DGKI: variants seen among roughly 807,000 people sequenced by gnomAD.
DGKI encodes DAG kinase iota.
Under a neutral mutation model 147.5 loss-of-function variants are expected in DGKI, and 55 were observed. The observed-to-expected ratio is 0.37, with a 90% CI of 0.30 to 0.47. The LOEUF is 0.47. Ranked by LOEUF, DGKI falls within the 20% of genes least tolerant of loss-of-function variation. DGKI has a pLI of 1.00. For missense variants in DGKI, 1,007 were observed against 1,323.8 expected (o/e 0.76, Z 3.71); for synonymous variants, 469 against 477.1 (o/e 0.98, Z 0.22).
intron 19 of DGKI, among the ~76,000 whole-genome samples, chr7:137,569,105 T>C (rs1490085402): frequency 6.6e-6 from 1 of 152,046 alleles, no homozygotes; most frequent in Non-Finnish European, 1.5e-5. Context: ...GTCAGCTGCT[T>C]GAGCTAGAAA....
At chr7:137,600,306 T>C (rs1819944666) in intron 10 of DGKI, among the ~76,000 whole-genome samples, 2 of 152,138 alleles carry the variant, frequency 1.3e-5, no homozygotes, top group African/African-American at 4.8e-5. Context: ...AATATCTAAT[T>C]ATAAGCAGTA....
chr7:137,645,447 G>A, intron 6 of DGKI, 25 bp downstream of exon 6: 1 of 1,608,950 alleles, frequency 6.2e-7, no homozygotes, highest in Non-Finnish European at 8.5e-7. Flanking sequence ...CCTCCTGCGA[G>A]GCCATGAGGT....
chr7:137,407,319 G>T (rs931057607), intron 30 of DGKI, among the ~76,000 whole-genome samples: 4 of 152,198 alleles, frequency 2.6e-5, no homozygotes, highest in African/African-American at 7.2e-5. Flanking sequence ...TAGAAATCCA[G>T]TTAGAAAGCA....
At chr7:137,718,689 C>T (rs1195147411) in intron 1 of DGKI, among the ~76,000 whole-genome samples, 1 of 152,156 alleles carries the variant, frequency 6.6e-6, no homozygotes, top group Non-Finnish European at 1.5e-5. Flanking sequence ...AGGGACTTGT[C>T]ATCCTTGAGG....
intron 6 of DGKI, among the ~76,000 whole-genome samples, chr7:137,626,706 C>T (rs1205623706): frequency 1.3e-5 from 2 of 152,116 alleles, no homozygotes; most frequent in East Asian, 1.9e-4. Flanking sequence ...CAGCAGAAGC[C>T]GGGGTGAGAC....
Position 137,658,491 on chromosome 7 carries a change from A to G in DGKI, c.607-1951T>C, listed in dbSNP as rs183074678. On this transcript the variant is annotated intron_variant, in intron 3 of 32. Coordinates refer to ENST00000614521, the MANE Select transcript of DGKI (RefSeq NM_001321708.2). ...CTAGTAAATTACATTGTGGATAAGC[A>G]ATGCAATATTACCACAGGTAGGCAA... 2.6e-3 allele frequency among the ~76,000 whole-genome samples: 402 copies of G among 152,322 alleles called. 1 individual carries two copies. Among genetic ancestry groups the G allele is most frequent in the Admixed American group, 5.4e-3 (82 of 15,310 alleles).
At chr7:137,831,935 A>G (rs537525278) in intron 1 of DGKI, among the ~76,000 whole-genome samples, 24 of 152,246 alleles carry the variant, frequency 1.6e-4, no homozygotes, top group Non-Finnish European at 3.1e-4. Flanking sequence ...CAGAGGGGCA[A>G]CAGGCCCCAT....
chr7:137,571,023 G>T (rs548335427), intron 19 of DGKI, 152 bp downstream of exon 19: 44 of 575,148 alleles, frequency 7.7e-5, no homozygotes, highest in African/African-American at 7.1e-4. Context: ...CATAAATGAT[G>T]ATTTTTTTTC....
At chr7:137,767,521 A>AG (rs1796053316) in intron 1 of DGKI, among the ~76,000 whole-genome samples, 1 of 150,158 alleles carries the variant, frequency 6.7e-6, no homozygotes, top group African/African-American at 2.5e-5. Flanking sequence ...AGAAGAGAAG[A>AG]GAAGAGAAGA....
chr7:137,713,229 C>A (rs2116575775), intron 1 of DGKI, among the ~76,000 whole-genome samples: 1 of 152,220 alleles, frequency 6.6e-6, no homozygotes. Context: ...AGCACAGAAC[C>A]AACTGCAGGA....
intron 31 of DGKI, among the ~76,000 whole-genome samples, chr7:137,396,289 A>G (rs915759477): frequency 1.3e-5 from 2 of 152,228 alleles, no homozygotes; most frequent in African/African-American, 4.8e-5. Flanking sequence ...TGAGAGGCAC[A>G]GTGAGACCCT....
chr7:137,527,031 T>C (rs539264294), intron 20 of DGKI, among the ~76,000 whole-genome samples: 1 of 152,282 alleles, frequency 6.6e-6, no homozygotes, highest in African/African-American at 2.4e-5. Context: ...TATCCGTTAA[T>C]ATTAAGACAT....
At chr7:137,819,156 C>T (rs1036527844) in intron 1 of DGKI, among the ~76,000 whole-genome samples, 1 of 152,108 alleles carries the variant, frequency 6.6e-6, no homozygotes, top group Admixed American at 6.5e-5. Context: ...CCACTCCCTG[C>T]TTGATGCTAC....
intron 15 of DGKI, among the ~76,000 whole-genome samples, chr7:137,580,007 G>T (rs1197997366): frequency 1.1e-4 from 16 of 152,030 alleles, no homozygotes; most frequent in Non-Finnish European, 1.5e-5. Flanking sequence ...TCACTCTGAT[G>T]CATAGAAACT....
At chr7:137,401,120 G>A (rs1450739066) in intron 30 of DGKI, among the ~76,000 whole-genome samples, 2 of 152,170 alleles carry the variant, frequency 1.3e-5, no homozygotes, top group South Asian at 2.1e-4. Flanking sequence ...ACAATGTGGA[G>A]TTTAACTGTA....
chr7:137,497,088 A>G (rs1815993743), intron 21 of DGKI, among the ~76,000 whole-genome samples: 1 of 149,934 alleles, frequency 6.7e-6, no homozygotes, highest in South Asian at 2.1e-4. Flanking sequence ...CAGCACCTAT[A>G]AAGAACTTAA....
chr7:137,715,252 A>T (rs1284983773), intron 1 of DGKI, among the ~76,000 whole-genome samples: 1 of 152,242 alleles, frequency 6.6e-6, no homozygotes, highest in Admixed American at 6.5e-5. Context: ...CCAGGGCTAA[A>T]GCCACAGTGA....
chr7:137,567,927 A>T (rs1221301778), intron 19 of DGKI, among the ~76,000 whole-genome samples: 1 of 152,210 alleles, frequency 6.6e-6, no homozygotes, highest in Non-Finnish European at 1.5e-5. Context: ...TTGCTCCAGA[A>T]TAATATAATG....
At chr7:137,750,418 T>C (rs534907288) in intron 1 of DGKI, among the ~76,000 whole-genome samples, 2 of 150,712 alleles carry the variant, frequency 1.3e-5, no homozygotes, top group South Asian at 2.1e-4. Flanking sequence ...ATCGCTGTTG[T>C]ATCACAAGTG....
Sources: gnomAD v4.1 joint callset for allele counts (sites outside exome capture counted in the v4.1 genomes callset) on GRCh38, gnomAD v4.1.1 for gene constraint, MANE v1.5 for transcripts, NCBI Gene and HGNC (gene_info 2026-07-23, HGNC 2026-07-21) for gene names.